RARB: variants seen among roughly 807,000 people sequenced by gnomAD.
The protein encoded by RARB is retinoic acid receptor beta.
A neutral mutation model predicts 51.9 loss-of-function variants in RARB; 17 were observed. The observed-to-expected ratio is 0.33, with a 90% CI of 0.22 to 0.49. The LOEUF (loss-of-function observed/expected upper bound fraction) is 0.49, where lower values mean the gene tolerates loss of function less well. Ranked by LOEUF, RARB falls within the 20% of genes least tolerant of loss-of-function variation. The pLI, the probability that RARB is intolerant of heterozygous loss-of-function variation, is 0.99. For missense variants in RARB, 369 were observed against 550.8 expected, an observed-to-expected ratio of 0.67 and a Z score of 3.30; for synonymous variants, 215 against 195.4, an observed-to-expected ratio of 1.10 and a Z score of -0.84.
chr3:24,909,466 A>T (rs1291865047), intron 2 of RARB, among the ~76,000 whole-genome samples: 1 of 151,956 alleles, frequency 6.6e-6, no homozygotes, highest in Non-Finnish European at 1.5e-5. Context: ...GAAAGAACAG[A>T]GTGTGCACAC....
intron 3 of RARB, among the ~76,000 whole-genome samples, chr3:25,562,400 A>C (rs1420493752): frequency 6.6e-6 from 1 of 152,174 alleles, no homozygotes; most frequent in Non-Finnish European, 1.5e-5. Context: ...GCTTCATCTC[A>C]GCTCTTATTC....
rs1697300333 is a variant in RARB, at chr3:25,007,594, A to AAAAAAAAAAAAAAAAAC, written c.-379-52521_-379-52520insAAAAAACAAAAAAAAAA. On this transcript the variant is annotated intron_variant, in intron 2 of 11. Coordinates refer to the RARB transcript ENST00000383772. ...TGGGCAACAGAGTGAGACTGTCTCAAAAAAAAAAAACAAAAAAACCTCATA... is the reference window on the plus strand; with the variant it reads ...TGGGCAACAGAGTGAGACTGTCTCAAAAAAAAAAAAAAAAAACAAAAAAAAAACAAAAAAACCTCATA... Among the ~76,000 whole-genome samples, 3 of 140,796 alleles carry AAAAAAAAAAAAAAAAAC rather than the reference A, an allele frequency of 2.1e-5. 1 individual carries two copies. Among genetic ancestry groups the AAAAAAAAAAAAAAAAAC allele is most frequent in the Non-Finnish European group, 3.1e-5 (2 of 65,094 alleles). The allele number at this position is 140,796 out of a possible 152,430, so 92.4% of individuals were successfully genotyped here.
intron 2 of RARB, among the ~76,000 whole-genome samples, chr3:25,026,275 A>T (rs1697746608): frequency 6.6e-6 from 1 of 152,320 alleles, no homozygotes; most frequent in African/African-American, 2.4e-5. Context: ...CTCTAGTAAA[A>T]TATTACAGGC....
intron 5 of RARB, among the ~76,000 whole-genome samples, chr3:25,344,696 T>C (rs1705334221): frequency 6.6e-6 from 1 of 152,210 alleles, no homozygotes; most frequent in Non-Finnish European, 1.5e-5. Context: ...GAAAACAACT[T>C]TGGTCTGTAA....
At chr3:25,212,840 G>A (rs1020453329) in intron 5 of RARB, among the ~76,000 whole-genome samples, 2 of 152,062 alleles carry the variant, frequency 1.3e-5, no homozygotes, top group Admixed American at 1.3e-4. Flanking sequence ...AAAGACCAAA[G>A]CAATTTAGGG....
intron 4 of RARB, among the ~76,000 whole-genome samples, chr3:25,165,517 A>G (rs1700547784): frequency 6.6e-6 from 1 of 152,146 alleles, no homozygotes. Context: ...TCCTGTAGAT[A>G]GCTGAATTTC....
intron 2 of RARB, among the ~76,000 whole-genome samples, chr3:24,915,668 A>G (rs896351656): frequency 5.9e-5 from 9 of 152,204 alleles, no homozygotes; most frequent in African/African-American, 1.9e-4. Context: ...TTTGCCATAC[A>G]GCGTTGTGGG....
chr3:25,084,345 T>C (rs763312581), intron 3 of RARB, among the ~76,000 whole-genome samples: 3 of 152,180 alleles, frequency 2.0e-5, no homozygotes, highest in Non-Finnish European at 2.9e-5. Context: ...TATAGTTCTT[T>C]AGAAGAACTC....
chr3:25,081,024 T>G (rs1698984058), intron 3 of RARB, among the ~76,000 whole-genome samples: 1 of 152,154 alleles, frequency 6.6e-6, no homozygotes, highest in Admixed American at 6.5e-5. Flanking sequence ...TATTATCTTC[T>G]TCTATGCATA....
chr3:25,300,334 G>A (rs958651552), intron 5 of RARB, among the ~76,000 whole-genome samples: 1 of 152,236 alleles, frequency 6.6e-6, no homozygotes, highest in Non-Finnish European at 1.5e-5. Flanking sequence ...GTGGAGGAAG[G>A]AGAGTATGTG....
intron 2 of RARB, among the ~76,000 whole-genome samples, chr3:24,930,417 T>G (rs1695414604): frequency 6.6e-6 from 1 of 152,056 alleles, no homozygotes; most frequent in African/African-American, 2.4e-5. Flanking sequence ...CTCAGCAATA[T>G]TCCCCAAACC....
At chr3:25,022,496 A>G (rs1256463901) in intron 2 of RARB, among the ~76,000 whole-genome samples, 1 of 152,150 alleles carries the variant, frequency 6.6e-6, no homozygotes, top group African/African-American at 2.4e-5. Context: ...AAATTTTTCT[A>G]ATTTTAAAAA....
intron 2 of RARB, among the ~76,000 whole-genome samples, chr3:25,017,580 C>A (rs1469790376): frequency 6.6e-6 from 1 of 151,996 alleles, no homozygotes; most frequent in Admixed American, 6.6e-5. Context: ...GATCAAATAC[C>A]TTTGTGTTTA....
chr3:25,393,626 A>T (rs534830856), intron 5 of RARB, among the ~76,000 whole-genome samples: 60 of 152,126 alleles, frequency 3.9e-4, no homozygotes, highest in African/African-American at 1.4e-3. Context: ...AGGATTGTGT[A>T]TTTCCAGGAA....
intron 2 of RARB, among the ~76,000 whole-genome samples, chr3:24,985,076 C>G (rs535948716): frequency 6.6e-6 from 1 of 152,282 alleles, no homozygotes; most frequent in African/African-American, 2.4e-5. Flanking sequence ...CTCTCTCAGT[C>G]ATATCATAAA....
intron 1 of RARB, among the ~76,000 whole-genome samples, chr3:25,442,725 A>T (rs942533012): frequency 6.6e-6 from 1 of 151,758 alleles, no homozygotes; most frequent in Non-Finnish European, 1.5e-5. Flanking sequence ...GGGTGGAACT[A>T]TTTTTCCTGG....
intron 5 of RARB, among the ~76,000 whole-genome samples, chr3:25,255,544 A>T (rs1702843811): frequency 6.6e-6 from 1 of 152,152 alleles, no homozygotes; most frequent in Non-Finnish European, 1.5e-5. Context: ...CATTATGCAC[A>T]CTGTAAGTGA....
intron 5 of RARB, among the ~76,000 whole-genome samples, chr3:25,217,992 C>T (rs906445126): frequency 6.6e-6 from 1 of 152,112 alleles, no homozygotes; most frequent in Non-Finnish European, 1.5e-5. Context: ...AAAAAAAATT[C>T]CCTCTACTCT....
intron 5 of RARB, among the ~76,000 whole-genome samples, chr3:25,386,413 G>T (rs1559380685): frequency 1.3e-5 from 2 of 152,156 alleles, no homozygotes; most frequent in African/African-American, 4.8e-5. Flanking sequence ...CCTGATGGTA[G>T]GTGGAGTTAT....
Sources: allele counts gnomAD v4.1 joint callset (sites outside exome capture counted in the v4.1 genomes callset), GRCh38; gene constraint gnomAD v4.1.1; transcripts MANE v1.5; gene names NCBI Gene and HGNC (gene_info 2026-07-23, HGNC 2026-07-21).